RIMBP2: variants seen among roughly 807,000 people sequenced by gnomAD.
RIMBP2 encodes the protein RIMS-binding protein 2.
Under a neutral mutation model 118.6 loss-of-function variants are expected in RIMBP2, and 48 were observed. The ratio of observed to expected loss-of-function variants is 0.40; its 90% CI spans 0.32 to 0.51. The LOEUF (loss-of-function observed/expected upper bound fraction) is 0.51. Among genes scored for constraint, RIMBP2 ranks in the 20% least tolerant of loss-of-function variants. The probability of loss-of-function intolerance (pLI) is 0.41; values close to 1 mark genes in which losing one functional copy is unlikely to be tolerated. For synonymous variants in RIMBP2, 762 were observed against 742.9 expected (o/e 1.03, Z -0.42); for missense variants, 1,551 against 1,768.3 (o/e 0.88, Z 2.20).
rs1479072239 is a variant in RIMBP2 at position 130,576,759 on chromosome 12, C to T, written c.-217+51563G>A. 6.6e-6 allele frequency among the ~76,000 whole-genome samples: 1 copy of T among 152,192 alleles called. No homozygotes were observed. The highest frequency in any genetic ancestry group is 1.5e-5 in the Non-Finnish European group (1 of 68,040). The stretch of plus-strand genomic sequence containing the variant: ...GAGAGGCATATGTGCGCACCACATG[C>T]CACAAACACAAGCTCCGAGTCCTAA... On this transcript the variant is annotated intron_variant, in intron 2 of 22. Coordinates refer to ENST00000690449, the MANE Select transcript of RIMBP2 (RefSeq NM_001393629.1). This position sits in a 1 kb window ranked among gnomAD's most constrained non-coding sequence, Gnocchi z 4.2.
At chr12:130,541,398 C>A (rs2054590604) in intron 2 of RIMBP2, among the ~76,000 whole-genome samples, 1 of 152,142 alleles carries the variant, frequency 6.6e-6, no homozygotes, top group African/African-American at 2.4e-5. Context: ...GATGCTGAGG[C>A]ATTTTGGAAT....
intron 11 of RIMBP2, among the ~76,000 whole-genome samples, chr12:130,441,122 T>C (rs1219631820): frequency 6.6e-6 from 1 of 152,140 alleles, no homozygotes; most frequent in East Asian, 1.9e-4. Flanking sequence ...AAGCCACGTA[T>C]GCATGCTTAG....
chr12:130,681,574 G>T (rs1237002292), intron 1 of RIMBP2, among the ~76,000 whole-genome samples: 3 of 152,002 alleles, frequency 2.0e-5, no homozygotes, highest in Admixed American at 1.3e-4. Flanking sequence ...ATGTTAATAA[G>T]CCAAGTTTAA....
intron 1 of RIMBP2, among the ~76,000 whole-genome samples, chr12:130,700,944 C>A (rs1359713535): frequency 6.6e-6 from 1 of 152,246 alleles, no homozygotes; most frequent in Non-Finnish European, 1.5e-5. Context: ...CCACTGTGTA[C>A]AAGCACTTCC....
intron 6 of RIMBP2, among the ~76,000 whole-genome samples, chr12:130,468,700 G>A (rs2080736850): frequency 6.6e-6 from 1 of 152,178 alleles, no homozygotes; most frequent in African/African-American, 2.4e-5. Flanking sequence ...GCTCAGGCGT[G>A]CAGCTTGAAT....
intron 6 of RIMBP2, among the ~76,000 whole-genome samples, chr12:130,467,403 T>C (rs1176688883): frequency 6.6e-6 from 1 of 152,252 alleles, no homozygotes; most frequent in Non-Finnish European, 1.5e-5. Context: ...TCTGGTCTTG[T>C]GGTCCCCACC....
In RIMBP2 at chr12:130,682,794, C is replaced by A. The variant is rs374901382; in HGVS notation, c.-352+33428G>T. 1.8e-3 allele frequency among the ~76,000 whole-genome samples: 270 copies of A among 152,282 alleles called. 1 individual carries two copies. The highest frequency in any genetic ancestry group is 5.3e-3 in the African/African-American group (221 of 41,546). On this transcript the variant is annotated intron_variant, in intron 1 of 22. Coordinates refer to ENST00000690449, the MANE Select transcript of RIMBP2 (RefSeq NM_001393629.1). ...TGCTCCTGGTGATAATTGATGAAGA[C>A]GAGACTCATTGGCCAAAGCCGTGCT...
At chr12:130,678,406 C>T (rs1403609090) in intron 1 of RIMBP2, among the ~76,000 whole-genome samples, 1 of 152,256 alleles carries the variant, frequency 6.6e-6, no homozygotes, top group East Asian at 1.9e-4. Context: ...CGGAATATTC[C>T]GCAGCCACCA....
chr12:130,622,244 C>T lies in RIMBP2; in HGVS notation c.-217+6078G>A, dbSNP rs918013967. On this transcript the variant is annotated intron_variant, in intron 2 of 22. Coordinates refer to ENST00000690449, the MANE Select transcript of RIMBP2 (RefSeq NM_001393629.1). The surrounding 1 kb of genome is among the most constrained non-coding windows in gnomAD (Gnocchi z 8.5). ...GGCTGACTGGAGCAGACGTGAAGCCCCCACAAGGCTGCATAGGAGGTTCCG... is the reference window on the plus strand; with the variant it reads ...GGCTGACTGGAGCAGACGTGAAGCCTCCACAAGGCTGCATAGGAGGTTCCG... Among the ~76,000 whole-genome samples, 16 of 152,100 alleles carry T rather than the reference C, an allele frequency of 1.1e-4. No individual in the cohort carries two copies. Among genetic ancestry groups the T allele is most frequent in the Non-Finnish European group, 2.2e-4 (15 of 68,032 alleles).
intron 6 of RIMBP2, among the ~76,000 whole-genome samples, chr12:130,457,312 C>A (rs528072633): frequency 6.6e-6 from 1 of 152,336 alleles, no homozygotes; most frequent in South Asian, 2.1e-4. Context: ...GCAGACAACA[C>A]GAAGCCACGT....
chr12:130,477,147 A>C (rs140932324), intron 5 of RIMBP2, among the ~76,000 whole-genome samples: 4 of 152,302 alleles, frequency 2.6e-5, no homozygotes, highest in East Asian at 1.9e-4. Context: ...AAACAGAGAC[A>C]ATGGTGAGTG....
chr12:130,503,394 TAAAAA>T (rs1566157541), intron 4 of RIMBP2, among the ~76,000 whole-genome samples: 1 of 137,280 alleles, frequency 7.3e-6, no homozygotes, highest in Non-Finnish European at 1.6e-5. Context: ...AGACTCCATC[TAAAAA>T]GAAAAAACAA....
chr12:130,696,883 T>C (rs1460645736), intron 1 of RIMBP2, among the ~76,000 whole-genome samples: 1 of 152,186 alleles, frequency 6.6e-6, no homozygotes, highest in African/African-American at 2.4e-5. Flanking sequence ...CAACAGCTTC[T>C]GCAAAAGCAC....
chr12:130,575,922 A>G (rs183650985), intron 2 of RIMBP2, among the ~76,000 whole-genome samples: 279 of 152,272 alleles, frequency 1.8e-3, no homozygotes, highest in African/African-American at 6.3e-3. Flanking sequence ...CTTTTTCTTT[A>G]CTTCCCCGGA....
At chr12:130,584,464 C>G (rs906977529) in intron 2 of RIMBP2, among the ~76,000 whole-genome samples, 8 of 149,776 alleles carry the variant, frequency 5.3e-5, no homozygotes, top group African/African-American at 2.0e-4. Context: ...ACCACCACCA[C>G]CATCACCTCA....
At chr12:130,611,462 G>A (rs998809044) in intron 2 of RIMBP2, among the ~76,000 whole-genome samples, 4 of 152,172 alleles carry the variant, frequency 2.6e-5, no homozygotes, top group African/African-American at 7.2e-5. Context: ...TCATTTACCC[G>A]CATCTCTGCC....
intron 1 of RIMBP2, among the ~76,000 whole-genome samples, chr12:130,646,148 TG>T (rs2062907713): frequency 1.1e-5 from 1 of 90,096 alleles, no homozygotes; most frequent in Admixed American, 1.1e-4. Context: ...CCTCACCACC[TG>T]CCTCTCCACC....
intron 2 of RIMBP2, among the ~76,000 whole-genome samples, chr12:130,613,062 A>G (rs1223748997): frequency 6.6e-6 from 1 of 152,054 alleles, no homozygotes; most frequent in Non-Finnish European, 1.5e-5. Context: ...TACATTTCCC[A>G]GCTCCCTGGC....
At chr12:130,452,128 C>T (rs748800285) in intron 7 of RIMBP2, among the ~76,000 whole-genome samples, 4 of 152,176 alleles carry the variant, frequency 2.6e-5, no homozygotes, top group African/African-American at 9.7e-5. Context: ...AAACATGACG[C>T]GGCTGCTTCC....
Sources: allele counts gnomAD v4.1 joint callset (sites outside exome capture counted in the v4.1 genomes callset), GRCh38; gene constraint gnomAD v4.1.1; non-coding constraint Gnocchi (gnomAD v3.1); transcripts MANE v1.5; gene names NCBI Gene and HGNC (gene_info 2026-07-23, HGNC 2026-07-21).